The following TOX3 variants were observed in gnomAD, a reference collection of about 807,000 sequenced individuals.
TOX3 encodes the protein TOX high mobility group box family member 3.
Under a neutral mutation model 64.3 loss-of-function variants are expected in TOX3, and 22 were observed. That is an observed-to-expected ratio of 0.34 (90% CI 0.24 to 0.49). TOX3 has a LOEUF of 0.49. TOX3 is among the 20% of genes least tolerant of loss of function. The pLI is 0.99. For synonymous variants in TOX3, 291 were observed against 273.6 expected, an observed-to-expected ratio of 1.06 and a Z score of -0.63; for missense variants, 661 against 714.4, an observed-to-expected ratio of 0.93 and a Z score of 0.85.
chr16:52,509,580 C>T (rs1459212421), intron 1 of TOX3, among the ~76,000 whole-genome samples: 2 of 152,160 alleles, frequency 1.3e-5, no homozygotes, highest in Non-Finnish European at 2.9e-5. Context: ...TCTCTATCCA[C>T]GTTCTTTCAA....
intron 1 of TOX3, among the ~76,000 whole-genome samples, chr16:52,492,208 A>G (rs1254716915): frequency 6.8e-6 from 1 of 147,356 alleles, no homozygotes; most frequent in African/African-American, 2.5e-5. Context: ...TCAAACTAAT[A>G]TATATATTTA....
Position 52,439,719 on chromosome 16 carries a change from C to A in TOX3, c.1237G>T (p.Ala413Ser), listed in dbSNP as rs756261947. The A allele has an allele frequency of 3.2e-5, 52 of 1,613,862 alleles. No individual in the cohort carries two copies. Among genetic ancestry groups the A allele is most frequent in the Non-Finnish European group, 4.2e-5 (50 of 1,179,904 alleles). ...IAANMPSNIG[A>S]PLISSMGTTM... is the part of the protein sequence containing the mutation. Reference sequence around the variant, plus strand: ...GTTCCCATGGAGCTTATCAGTGGAGCCCCAATGTTCGAGGGCATGTTGGCT... The same window carrying A: ...GTTCCCATGGAGCTTATCAGTGGAGACCCAATGTTCGAGGGCATGTTGGCT... The change falls in exon 7 of 7, where the codon GCT becomes TCT. Residue 413 changes from alanine to serine, a missense_variant. Ala to Ser is a moderately conservative substitution (Grantham distance 99, BLOSUM62 1). Coordinates refer to ENST00000219746, the MANE Select transcript of TOX3 (RefSeq NM_001080430.4).
intron 1 of TOX3, among the ~76,000 whole-genome samples, chr16:52,497,212 T>C (rs945837491): frequency 6.6e-6 from 1 of 152,254 alleles, no homozygotes; most frequent in African/African-American, 2.4e-5. Flanking sequence ...GCAGCCTTTC[T>C]AGGCCTGTTT....
chr16:52,446,315 T>C (rs1960161294), intron 4 of TOX3, 94 bp from the exon 5 acceptor site: 1 of 1,324,800 alleles, frequency 7.5e-7, no homozygotes, highest in Non-Finnish European at 1.0e-6. Context: ...TTGAAGGTTT[T>C]GTTAGGCATC....
intron 1 of TOX3, among the ~76,000 whole-genome samples, chr16:52,501,446 C>T (rs958975117): frequency 1.1e-4 from 17 of 152,158 alleles, no homozygotes; most frequent in Admixed American, 5.9e-4. Flanking sequence ...CTGAGGCGGG[C>T]GGATCACCTG....
At chr16:52,470,046 C>T (rs1382458787) in intron 1 of TOX3, among the ~76,000 whole-genome samples, 1 of 152,192 alleles carries the variant, frequency 6.6e-6, no homozygotes, top group Admixed American at 6.5e-5. Context: ...TGAATTGGCG[C>T]TTAAGAAAGA....
chr16:52,487,520 TC>T (rs1961564737), intron 1 of TOX3, among the ~76,000 whole-genome samples: 1 of 152,096 alleles, frequency 6.6e-6, no homozygotes, highest in Non-Finnish European at 1.5e-5. Context: ...AACACTTCCA[TC>T]CCCAATTTTA....
At chr16:52,514,045 G>A (rs2151474001) in intron 1 of TOX3, among the ~76,000 whole-genome samples, 1 of 152,272 alleles carries the variant, frequency 6.6e-6, no homozygotes, top group Middle Eastern at 3.4e-3. Flanking sequence ...TTCATTAAAA[G>A]TCATTGACCA....
At chr16:52,488,468 C>A (rs937483185) in intron 1 of TOX3, among the ~76,000 whole-genome samples, 1 of 152,206 alleles carries the variant, frequency 6.6e-6, no homozygotes, top group Non-Finnish European at 1.5e-5. Flanking sequence ...CAATGACCAT[C>A]TTGTTGCCAT....
intron 1 of TOX3, among the ~76,000 whole-genome samples, chr16:52,532,343 T>C (rs935348874): frequency 3.9e-5 from 6 of 152,234 alleles, no homozygotes; most frequent in African/African-American, 1.4e-4. Context: ...GTGCCATTTC[T>C]GGGCCTGGAC....
In TOX3 at chr16:52,446,110, G is replaced by A. The variant is rs1316006282; in HGVS notation, c.790C>T (p.Leu264=). 2 of 1,613,978 alleles carry A rather than the reference G, an allele frequency of 1.2e-6. No homozygotes were observed. The highest frequency in any genetic ancestry group is 1.3e-5 in the African/African-American group (1 of 75,054). The change falls in exon 5 of 7, where the codon CTG becomes TTG. Residue 264 remains leucine (L), a synonymous_variant. Coordinates refer to ENST00000219746, the MANE Select transcript of TOX3 (RefSeq NM_001080430.4). ...GCAGCCTGTGTGTCTCTGAAAAACA[G>A]GGCATATGCTGACACTGGCTTCTGT... ...EPQKPVSAYA[L]FFRDTQAAIK... is the part of the protein sequence containing the mutation.
At chr16:52,485,271 T>TATATATATATATATAC (rs1438971784) in intron 1 of TOX3, among the ~76,000 whole-genome samples, 1 of 145,570 alleles carries the variant, frequency 6.9e-6, no homozygotes, top group African/African-American at 2.6e-5. Context: ...TATATATATA[T>TATATATATATATATAC]ACATATCTCC....
At chr16:52,453,694 C>T (rs1960428900) in intron 3 of TOX3, among the ~76,000 whole-genome samples, 1 of 152,136 alleles carries the variant, frequency 6.6e-6, no homozygotes, top group African/African-American at 2.4e-5. Flanking sequence ...TGCTCCAATG[C>T]CTGTGAAAAT....
chr16:52,506,374 T>G (rs552651335), intron 1 of TOX3, among the ~76,000 whole-genome samples: 68 of 152,184 alleles, frequency 4.5e-4, no homozygotes, highest in African/African-American at 1.6e-3. Flanking sequence ...AACGAGAAGG[T>G]AAACCATCTC....
chr16:52,473,676 C>T (rs12929478), intron 1 of TOX3, among the ~76,000 whole-genome samples: 1 of 152,260 alleles, frequency 6.6e-6, no homozygotes, highest in East Asian at 1.9e-4. Context: ...TGAAAACAAG[C>T]CAATATGGCG....
At chr16:52,476,293 C>T (rs970315868) in intron 1 of TOX3, among the ~76,000 whole-genome samples, 7 of 152,148 alleles carry the variant, frequency 4.6e-5, no homozygotes, top group Admixed American at 3.3e-4. Context: ...TGCTCAAACA[C>T]GGAGGCCTTG....
intron 3 of TOX3, among the ~76,000 whole-genome samples, chr16:52,452,300 ATTGTTC>A (rs1181020907): frequency 6.6e-6 from 1 of 152,170 alleles, no homozygotes; most frequent in African/African-American, 2.4e-5. Context: ...AAAAGTAAAC[ATTGTTC>A]AATTCCCACC....
chr16:52,521,032 A>C (rs1324477765), intron 1 of TOX3, among the ~76,000 whole-genome samples: 6 of 152,216 alleles, frequency 3.9e-5, no homozygotes, highest in Admixed American at 2.0e-4. Context: ...TAATCTATTT[A>C]ATTCTAGCAA....
intron 3 of TOX3, among the ~76,000 whole-genome samples, chr16:52,460,889 G>A (rs1960668301): frequency 6.6e-6 from 1 of 152,140 alleles, no homozygotes; most frequent in African/African-American, 2.4e-5. Flanking sequence ...CACTGCCTGA[G>A]AAAACTAAAT....
Sources: gnomAD v4.1 joint callset for allele counts (sites outside exome capture counted in the v4.1 genomes callset) on GRCh38, gnomAD v4.1.1 for gene constraint, MANE v1.5 for transcripts, NCBI Gene and HGNC (gene_info 2026-07-23, HGNC 2026-07-21) for gene names.